The following RNMT variants were observed in gnomAD, a reference collection of about 807,000 sequenced individuals.
RNMT encodes the protein RNA guanine-7 methyltransferase.
In RNMT, 27 loss-of-function variants were observed where a neutral mutation model predicts 56.0. The observed-to-expected ratio is 0.48, with a 90% CI of 0.36 to 0.67. The LOEUF is 0.67. RNMT is among the 30% of genes least tolerant of loss of function. The pLI is 0.00. For synonymous variants in RNMT, 184 were observed against 176.2 expected (o/e 1.04, Z -0.35); for missense variants, 519 against 552.1 (o/e 0.94, Z 0.60).
intron 11 of RNMT, among the ~76,000 whole-genome samples, chr18:13,757,078 G>A (rs550415244): frequency 6.6e-6 from 1 of 152,330 alleles, no homozygotes; most frequent in South Asian, 2.1e-4. Flanking sequence ...TATGTTTACT[G>A]TAGTCTGTTA....
At chr18:13,754,998 G>A (rs2044519319) in intron 11 of RNMT, among the ~76,000 whole-genome samples, 1 of 152,352 alleles carries the variant, frequency 6.6e-6, no homozygotes, top group Non-Finnish European at 1.5e-5. Context: ...AGCAGTGGGT[G>A]TTGAGGAAGT....
chr18:13,742,880 A>C (rs1373689235), intron 8 of RNMT: 3 of 299,090 alleles, frequency 1.0e-5, no homozygotes, highest in Non-Finnish European at 1.8e-5. Context: ...GTTTTCTCTC[A>C]TTCCTGGAAT....
intron 5 of RNMT, among the ~76,000 whole-genome samples, chr18:13,739,225 T>C (rs1452724732): frequency 6.6e-6 from 1 of 152,192 alleles, no homozygotes; most frequent in Non-Finnish European, 1.5e-5. Flanking sequence ...ACCATCATAC[T>C]TTGTTAGGTA....
intron 11 of RNMT, among the ~76,000 whole-genome samples, 184 bp from the exon 12 acceptor site, chr18:13,759,758 A>G (rs2044596781): frequency 6.6e-6 from 1 of 152,206 alleles, no homozygotes; most frequent in South Asian, 2.1e-4. Flanking sequence ...AAAGTAAGCA[A>G]GTACCATCCC....
intron 2 of RNMT, 30 bp from the exon 3 acceptor site, chr18:13,731,446 C>A: frequency 4.9e-6 from 6 of 1,213,592 alleles, no homozygotes; most frequent in South Asian, 3.1e-5. Context: ...TTAGTGTTTA[C>A]AAGTAATACC....
chr18:13,739,623 A>G (rs1340576203), intron 5 of RNMT, among the ~76,000 whole-genome samples: 4 of 152,148 alleles, frequency 2.6e-5, no homozygotes, highest in African/African-American at 7.2e-5. Flanking sequence ...TCCTCTACCA[A>G]AAATACAAAA....
chr18:13,730,369 A>G (rs1412737977), intron 1 of RNMT: 1 of 152,218 alleles, frequency 6.6e-6, no homozygotes, highest in Non-Finnish European at 1.5e-5. Context: ...TTTCTACCTA[A>G]TTGGAACACC....
intron 10 of RNMT, among the ~76,000 whole-genome samples, chr18:13,753,698 G>A (rs1238322512): frequency 4.6e-5 from 7 of 151,700 alleles, no homozygotes; most frequent in Non-Finnish European, 7.4e-5. Flanking sequence ...ATGAACCCAG[G>A]AGGCAGAGCT....
chr18:13,733,958 T>G (rs1239949898), intron 3 of RNMT, among the ~76,000 whole-genome samples: 1 of 152,256 alleles, frequency 6.6e-6, no homozygotes, highest in East Asian at 1.9e-4. Context: ...AGATCTCATC[T>G]TGAATTATAG....
Position 13,753,978 on chromosome 18 carries a change from T to C in RNMT, c.1360-136T>C, listed in dbSNP as rs2044500526. The C allele has an allele frequency of 1.4e-5, 8 of 581,104 alleles. No homozygotes were observed. The South Asian group carries it at 1.7e-4, about 12-fold the overall frequency. The allele number at this position is 581,104 out of a possible 1,614,324, so 36.0% of individuals were successfully genotyped here. On this transcript the variant is annotated intron_variant, in intron 10 of 11. Transcript: ENST00000383314. The stretch of plus-strand genomic sequence containing the variant: ...TCTTTTATATGCTCAGGTCACAATA[T>C]GATTAACAGTGAATCGAATGTGTAT...
At chr18:13,750,907 G>A (rs1307151692) in intron 9 of RNMT, among the ~76,000 whole-genome samples, 2 of 152,084 alleles carry the variant, frequency 1.3e-5, no homozygotes, top group African/African-American at 2.4e-5. Context: ...AAACTGGCTA[G>A]CCATATGTAG....
chr18:13,728,682 G>A (rs1328384118), intron 1 of RNMT, among the ~76,000 whole-genome samples: 1 of 151,946 alleles, frequency 6.6e-6, no homozygotes. Context: ...CGTTTTAACC[G>A]AGATGAGATG....
At position 13,760,612 on chromosome 18, in the gene RNMT, A is replaced by C. The variant is rs1325186324; in HGVS notation, c.*633A>C. 3.0e-6 allele frequency: 3 copies of C among 985,354 alleles called. No individual in the cohort carries two copies. In the East Asian group the frequency reaches 3.4e-4, roughly 112 times the overall value. The allele number at this position is 985,354 out of a possible 1,614,324, so 61.0% of individuals were successfully genotyped here. A position where few individuals can be genotyped will look rare whatever the true frequency, so the allele number is the denominator to read the frequency against. On this transcript the variant is annotated 3_prime_UTR_variant, in exon 12 of 12. Coordinates refer to ENST00000383314, the MANE Select transcript of RNMT (RefSeq NM_003799.3). ...TTTAAGTGGCAGCATAGAATTTTGG[A>C]ATTTTGGGGCTTTCTTTTCAGAAAT...
At chr18:13,745,903 A>G (rs537783315) in intron 8 of RNMT, among the ~76,000 whole-genome samples, 15 of 152,362 alleles carry the variant, frequency 9.8e-5, no homozygotes, top group Middle Eastern at 3.4e-3. Context: ...GTGAGAGATC[A>G]AGTAAAGTGA....
At chr18:13,736,421 G>A (rs2044158718) in intron 4 of RNMT, among the ~76,000 whole-genome samples, 2 of 151,682 alleles carry the variant, frequency 1.3e-5, no homozygotes, top group Admixed American at 1.3e-4. Context: ...GATTTTATCT[G>A]TTGGCTGTTA....
At chr18:13,735,759 G>C (rs1021144236) in intron 4 of RNMT, among the ~76,000 whole-genome samples, 5 of 151,504 alleles carry the variant, frequency 3.3e-5, no homozygotes, top group African/African-American at 1.2e-4. Context: ...TTTTTTTAAA[G>C]GACTGAAGTC....
chr18:13,761,621 A>G lies in RNMT; in HGVS notation c.*1642A>G. On this transcript the variant is annotated 3_prime_UTR_variant, in exon 12 of 12. Transcript: ENST00000383314. ...GATGGAGTAGCCAGTGGTAATACAA[A>G]GCAGGGAGAACAGAAAGGTAGAGTT... is the stretch of plus-strand genomic sequence containing the variant. The G allele has an allele frequency of 2.0e-6, 2 of 1,000,564 alleles. No homozygotes were observed. The highest frequency in any genetic ancestry group is 2.4e-6 in the Non-Finnish European group (2 of 838,876). 62.0% of individuals were successfully genotyped at this position (1,000,564 alleles called of 1,614,324 possible). A position where few individuals can be genotyped will look rare whatever the true frequency, so the allele number is the denominator to read the frequency against.
At chr18:13,753,793 A>G (rs929101107) in intron 10 of RNMT, among the ~76,000 whole-genome samples, 1 of 145,186 alleles carries the variant, frequency 6.9e-6, no homozygotes, top group African/African-American at 2.6e-5. Flanking sequence ...AAAAAATAAT[A>G]CAAGATAGAT....
chr18:13,746,293 A>T lies in RNMT; in HGVS notation c.1213A>T (p.Asn405Tyr). Residue 405 changes from asparagine to tyrosine, a missense_variant, in exon 9 of 12, where the codon AAC (asparagine) becomes TAC (tyrosine). Physicochemically the swap from Asn to Tyr is moderately radical, Grantham distance 143 (BLOSUM62 -2). Coordinates refer to ENST00000383314, the MANE Select transcript of RNMT (RefSeq NM_003799.3). ...GGAATTCTACGAAGAAAAGATTAAG[A>T]ACAATGAAAATAAAATGCTCTTAAA... Reference protein sequence around the residue: ...FLEFYEEKIKNNENKMLLKRM... With the variant: ...FLEFYEEKIKYNENKMLLKRM... The T allele has an allele frequency of 6.4e-7, 1 of 1,574,112 alleles. No homozygotes were observed.
Sources: gnomAD v4.1 joint callset for allele counts (sites outside exome capture counted in the v4.1 genomes callset) on GRCh38, gnomAD v4.1.1 for gene constraint, MANE v1.5 for transcripts, NCBI Gene and HGNC (gene_info 2026-07-23, HGNC 2026-07-21) for gene names.